The following ADARB2 variants were observed in gnomAD, a reference collection of about 807,000 sequenced individuals.
ADARB2 encodes inactive double-stranded RNA-specific editase B2.
In ADARB2, 25 loss-of-function variants were observed where a neutral mutation model predicts 62.2. That is an observed-to-expected ratio of 0.40 (90% CI 0.29 to 0.56). The LOEUF is 0.56. Among genes scored for constraint, ADARB2 ranks in the 20% least tolerant of loss-of-function variants. The pLI is 0.43. For synonymous variants in ADARB2, 572 were observed against 500.8 expected (o/e 1.14, Z -1.90); for missense variants, 1,071 against 1,077.4 (o/e 0.99, Z 0.08).
intron 3 of ADARB2, among the ~76,000 whole-genome samples, chr10:1,272,338 G>C (rs1831270508): frequency 6.6e-6 from 1 of 152,210 alleles, no homozygotes; most frequent in South Asian, 2.1e-4. Context: ...CTGCTGATAA[G>C]GACAGCTCTC....
At chr10:1,210,669 C>G (rs1165533026) in intron 7 of ADARB2, among the ~76,000 whole-genome samples, 3 of 152,250 alleles carry the variant, frequency 2.0e-5, no homozygotes, top group Non-Finnish European at 4.4e-5. Context: ...CATGGCCATT[C>G]TGACAAAACA....
intron 1 of ADARB2, among the ~76,000 whole-genome samples, chr10:1,588,662 G>A (rs1407356822): frequency 6.6e-6 from 1 of 152,142 alleles, no homozygotes; most frequent in Non-Finnish European, 1.5e-5. Flanking sequence ...GAGAAAGTGG[G>A]TTCGACAGCC....
At chr10:1,493,821 C>A (rs569376027) in intron 1 of ADARB2, among the ~76,000 whole-genome samples, 1 of 134,428 alleles carries the variant, frequency 7.4e-6, no homozygotes, top group African/African-American at 2.8e-5. Context: ...TGCAATGGCA[C>A]GATCTCAGCT....
chr10:1,224,452 T>C (rs1435002968), intron 6 of ADARB2, among the ~76,000 whole-genome samples: 3 of 152,094 alleles, frequency 2.0e-5, no homozygotes, highest in African/African-American at 7.2e-5. Context: ...TTTAGTTATT[T>C]CTTGCCTTCT....
intron 7 of ADARB2, among the ~76,000 whole-genome samples, chr10:1,210,913 C>T (rs954689387): frequency 1.3e-5 from 2 of 152,108 alleles, no homozygotes; most frequent in African/African-American, 2.4e-5. Flanking sequence ...CCAAGTCAGC[C>T]GGTGCTTGAA....
At chr10:1,602,042 G>A (rs1263833279) in intron 1 of ADARB2, among the ~76,000 whole-genome samples, 1 of 152,170 alleles carries the variant, frequency 6.6e-6, no homozygotes. Context: ...GGGAACCGGT[G>A]CGTGTTGGGT....
chr10:1,485,316 A>G (rs1301124517), intron 1 of ADARB2, among the ~76,000 whole-genome samples: 1 of 152,094 alleles, frequency 6.6e-6, no homozygotes, highest in Non-Finnish European at 1.5e-5. Context: ...GTAGATATGT[A>G]GGTGCACTTG....
chr10:1,660,430 T>C (rs1256243977), intron 1 of ADARB2, among the ~76,000 whole-genome samples: 2 of 152,178 alleles, frequency 1.3e-5, no homozygotes, highest in Non-Finnish European at 2.9e-5. Context: ...AGTGTGACTA[T>C]GTATGTTGGA....
At chr10:1,375,659 C>T (rs1832415817) in intron 2 of ADARB2, among the ~76,000 whole-genome samples, 1 of 152,232 alleles carries the variant, frequency 6.6e-6, no homozygotes, top group Non-Finnish European at 1.5e-5. Flanking sequence ...ACACGGGAGA[C>T]CGGAGGAGGC....
intron 1 of ADARB2, among the ~76,000 whole-genome samples, chr10:1,586,032 TCAAA>T (rs1326549174): frequency 6.6e-5 from 10 of 151,994 alleles, no homozygotes; most frequent in African/African-American, 2.4e-4. Context: ...AGACTCCATC[TCAAA>T]CAAACAAACG....
intron 4 of ADARB2, among the ~76,000 whole-genome samples, chr10:1,243,153 A>G (rs1484666942): frequency 6.6e-6 from 1 of 152,226 alleles, no homozygotes; most frequent in Non-Finnish European, 1.5e-5. Context: ...CCGATCCAAT[A>G]ACAAATCCAT....
At chr10:1,717,286 T>G (rs1835031438) in intron 1 of ADARB2, among the ~76,000 whole-genome samples, 1 of 151,124 alleles carries the variant, frequency 6.6e-6, no homozygotes, top group African/African-American at 2.4e-5. Flanking sequence ...CCTGTGTATT[T>G]GGTTGCACAG....
chr10:1,554,778 G>C (rs982285603), intron 1 of ADARB2, among the ~76,000 whole-genome samples: 1 of 152,124 alleles, frequency 6.6e-6, no homozygotes, highest in Non-Finnish European at 1.5e-5. Context: ...CAGGAGGTAC[G>C]TGTGCAGGTT....
intron 1 of ADARB2, among the ~76,000 whole-genome samples, chr10:1,584,931 G>C (rs1455074353): frequency 6.6e-6 from 1 of 152,152 alleles, no homozygotes; most frequent in Non-Finnish European, 1.5e-5. Flanking sequence ...AAAGATCAGG[G>C]GTTGCCAGGG....
chr10:1,565,531 A>G (rs988073850), intron 1 of ADARB2, among the ~76,000 whole-genome samples: 2 of 152,176 alleles, frequency 1.3e-5, no homozygotes, highest in Non-Finnish European at 2.9e-5. Context: ...CAGCAGGGAA[A>G]GGGGCCAATC....
At position 1,369,485 on chromosome 10, in the gene ADARB2, G is replaced by A. The variant is rs145957439; in HGVS notation, c.188-5568C>T. Among the ~76,000 whole-genome samples the A allele has an allele frequency of 8.9e-3, 1,353 of 152,224 alleles. 13 individuals carry two copies. The highest frequency in any genetic ancestry group is 0.037 in the Middle Eastern group (11 of 294). On this transcript the variant is annotated intron_variant, in intron 2 of 9. Transcript: ENST00000381312. ...CAAACCCCTCACTCTTTCTCTGTGC[G>A]CCCCAAGTCTGGGTGTTCCCGCTGG...
chr10:1,327,499 T>C (rs1335729364), intron 3 of ADARB2, among the ~76,000 whole-genome samples: 20 of 54,926 alleles, frequency 3.6e-4, no homozygotes, highest in East Asian at 1.0e-3. Context: ...CAGCGCCTCC[T>C]CACTGCCCAG....
At chr10:1,338,176 T>C (rs768038626) in intron 3 of ADARB2, among the ~76,000 whole-genome samples, 8 of 151,780 alleles carry the variant, frequency 5.3e-5, no homozygotes, top group Non-Finnish European at 1.2e-4. Context: ...AAATAGGGAG[T>C]GTCTTAAGGA....
intron 1 of ADARB2, among the ~76,000 whole-genome samples, chr10:1,533,434 G>T (rs184923234): frequency 1.3e-3 from 202 of 151,942 alleles, no homozygotes; most frequent in African/African-American, 4.7e-3. Context: ...TTTTAATCAC[G>T]ACCAAACATC....
Sources: gnomAD v4.1 joint callset for allele counts (sites outside exome capture counted in the v4.1 genomes callset) on GRCh38, gnomAD v4.1.1 for gene constraint, MANE v1.5 for transcripts, NCBI Gene and HGNC (gene_info 2026-07-23, HGNC 2026-07-21) for gene names.